SGTB: variants seen among roughly 807,000 people sequenced by gnomAD.
SGTB encodes small glutamine rich tetratricopeptide repeat co-chaperone beta.
A neutral mutation model predicts 43.9 loss-of-function variants in SGTB; 19 were observed. The ratio of observed to expected loss-of-function variants is 0.43; its 90% CI spans 0.30 to 0.63. SGTB has a LOEUF of 0.63. SGTB is among the 30% of genes least tolerant of loss of function. The probability of loss-of-function intolerance (pLI) is 0.12; values close to 1 mark genes in which losing one functional copy is unlikely to be tolerated. For synonymous variants in SGTB, 116 were observed against 117.3 expected (o/e 0.99, Z 0.07); for missense variants, 304 against 358.9 (o/e 0.85, Z 1.24).
In SGTB at chr5:65,695,740, T is replaced by C. The variant is rs574670328; in HGVS notation, c.374+8539A>G. ...TCTCACATCATGCATAAATAAATTATGGCAAAAATCTATTCCTACAATTAA... is the reference window on the plus strand; with the variant it reads ...TCTCACATCATGCATAAATAAATTACGGCAAAAATCTATTCCTACAATTAA... On this transcript the variant is annotated intron_variant, in intron 5 of 10. Coordinates refer to ENST00000381007, the MANE Select transcript of SGTB (RefSeq NM_019072.3). 1.2e-4 allele frequency among the ~76,000 whole-genome samples: 19 copies of C among 152,336 alleles called. No individual in the cohort carries two copies. In the South Asian group the frequency reaches 3.5e-3, roughly 28 times the overall value.
At chr5:65,722,144 A>AGGGCTGGGGCGGGGCCGGACGCGT, upstream of SGTB, 1 of 208,850 alleles carries the variant, frequency 4.8e-6, no homozygotes, top group Non-Finnish European at 9.4e-6. Flanking sequence ...GCCGGACGCG[A>AGGGCTGGGGCGGGGCCGGACGCGT]GGGCTGGGGC....
intron 5 of SGTB, among the ~76,000 whole-genome samples, chr5:65,691,414 T>G (rs1234149110): frequency 6.8e-6 from 1 of 146,642 alleles, no homozygotes; most frequent in Non-Finnish European, 1.5e-5. Context: ...AAGTGGTTGG[T>G]TTTTTTATTA....
At chr5:65,714,841 G>C (rs370143608) in intron 2 of SGTB, among the ~76,000 whole-genome samples, 15 of 152,274 alleles carry the variant, frequency 9.9e-5, no homozygotes, top group African/African-American at 3.4e-4. Flanking sequence ...TCTGTCATTA[G>C]ATGACAAGGC....
rs777745254 is a variant in SGTB, at chr5:65,680,812, T to C, written c.480-18A>G. The stretch of plus-strand genomic sequence containing the variant: ...GGGCCAGCCTGAAGGGAATAGAATA[T>C]AAGAATATCAGATATATGATTAAAG... On this transcript the variant is annotated intron_variant, in intron 6 of 10. Transcript: ENST00000381007. 1.2e-5 allele frequency: 20 copies of C among 1,606,668 alleles called. No homozygotes were observed. In the South Asian group the frequency reaches 1.8e-4, roughly 14 times the overall value.
At chr5:65,702,154 G>A (rs1365647902) in intron 5 of SGTB, among the ~76,000 whole-genome samples, 1 of 152,146 alleles carries the variant, frequency 6.6e-6, no homozygotes, top group African/African-American at 2.4e-5. Flanking sequence ...CAGAAGAGCT[G>A]AGAGGCCAAA....
chr5:65,678,901 C>T (rs560870219), intron 8 of SGTB, among the ~76,000 whole-genome samples: 6 of 152,038 alleles, frequency 3.9e-5, no homozygotes, highest in South Asian at 2.1e-4. Flanking sequence ...CTCTATAAAC[C>T]GAGGCAATAT....
intron 5 of SGTB, 49 bp from the exon 6 acceptor site, chr5:65,685,521 A>G (rs1448592350): frequency 4.5e-6 from 7 of 1,542,898 alleles, no homozygotes; most frequent in Non-Finnish European, 6.3e-6. Context: ...TCAAGGCACT[A>G]ATTTAGATTT....
intron 4 of SGTB, among the ~76,000 whole-genome samples, chr5:65,708,090 C>T (rs1757970187): frequency 6.6e-6 from 1 of 152,196 alleles, no homozygotes; most frequent in South Asian, 2.1e-4. Context: ...AAACAAGTAC[C>T]ATGTGCCTAC....
intron 5 of SGTB, among the ~76,000 whole-genome samples, chr5:65,702,758 T>C (rs1198066093): frequency 2.6e-5 from 4 of 152,066 alleles, no homozygotes; most frequent in Admixed American, 2.6e-4. Context: ...TTTAAGGGGA[T>C]AGAAACATTC....
intron 5 of SGTB, among the ~76,000 whole-genome samples, chr5:65,698,870 G>A (rs967964759): frequency 6.6e-6 from 1 of 152,106 alleles, no homozygotes; most frequent in African/African-American, 2.4e-5. Context: ...TTATTAGAAA[G>A]TCAAAAAACA....
intron 5 of SGTB, among the ~76,000 whole-genome samples, chr5:65,687,595 T>C (rs1490579863): frequency 6.6e-6 from 1 of 152,214 alleles, no homozygotes. Context: ...TAGAAAGCTC[T>C]TGTCGACAGG....
chr5:65,690,548 T>C (rs544728515), intron 5 of SGTB, among the ~76,000 whole-genome samples: 20 of 152,104 alleles, frequency 1.3e-4, no homozygotes, highest in African/African-American at 4.6e-4. Context: ...CATACACAGG[T>C]TGAAGTTAAA....
chr5:65,722,686 G>A, upstream of SGTB: 1 of 488,448 alleles, frequency 2.0e-6, no homozygotes, highest in African/African-American at 2.1e-5. Context: ...CACAGACGCG[G>A]CCCAAAATGA....
At chr5:65,681,467 G>C (rs1477615172) in intron 6 of SGTB, among the ~76,000 whole-genome samples, 1 of 152,104 alleles carries the variant, frequency 6.6e-6, no homozygotes, top group African/African-American at 2.4e-5. Context: ...TGGTGACATA[G>C]TATTAGGGGT....
rs975273172 is a variant in SGTB at position 65,718,664 on chromosome 5, A to G, written c.100+2044T>C. On this transcript the variant is annotated intron_variant, in intron 2 of 10. Coordinates refer to ENST00000381007, the MANE Select transcript of SGTB (RefSeq NM_019072.3). Reference sequence around the variant, plus strand: ...CTGAGGCTTCTTTCCTAGGGCTTTTAAAAATGTCTAGAAGGTGGGCAGACA... The same window carrying G: ...CTGAGGCTTCTTTCCTAGGGCTTTTGAAAATGTCTAGAAGGTGGGCAGACA... 3.0e-4 allele frequency among the ~76,000 whole-genome samples: 45 copies of G among 152,180 alleles called. 1 individual carries two copies. The highest frequency in any genetic ancestry group is 1.2e-4 in the Non-Finnish European group (8 of 68,024).
intron 8 of SGTB, among the ~76,000 whole-genome samples, chr5:65,677,303 C>A (rs1245746768): frequency 6.6e-6 from 1 of 150,714 alleles, no homozygotes; most frequent in Non-Finnish European, 1.5e-5. Flanking sequence ...CCTGAATAAA[C>A]CAATAATGAG....
At chr5:65,679,859 C>A (rs75338894) in intron 8 of SGTB, among the ~76,000 whole-genome samples, 2 of 152,152 alleles carry the variant, frequency 1.3e-5, no homozygotes, top group Admixed American at 6.5e-5. Flanking sequence ...AATACACATT[C>A]GTACGTATGT....
chr5:65,690,714 C>A (rs564426139), intron 5 of SGTB, among the ~76,000 whole-genome samples: 1 of 152,144 alleles, frequency 6.6e-6, no homozygotes, highest in South Asian at 2.1e-4. Flanking sequence ...ATGTAAAAAA[C>A]GTACAAAGTT....
Position 65,678,641 on chromosome 5 carries a change from A to T in SGTB, c.681+1853T>A, listed in dbSNP as rs1757327832. Among the ~76,000 whole-genome samples the T allele has an allele frequency of 2.6e-5, 4 of 152,232 alleles. No individual in the cohort carries two copies. In the South Asian group the frequency reaches 8.3e-4, roughly 31 times the overall value. On this transcript the variant is annotated intron_variant, in intron 8 of 10. Coordinates refer to ENST00000381007, the MANE Select transcript of SGTB (RefSeq NM_019072.3). ...CAAAACTGCATGGTACTGGTACAAG[A>T]ACAGACACATAGACCAGTGGAACAG...
Sources: gnomAD v4.1 joint callset for allele counts (sites outside exome capture counted in the v4.1 genomes callset) on GRCh38, gnomAD v4.1.1 for gene constraint, MANE v1.5 for transcripts, NCBI Gene and HGNC (gene_info 2026-07-23, HGNC 2026-07-21) for gene names.